GNAQ: variants seen among roughly 807,000 people sequenced by gnomAD.
The protein encoded by GNAQ is guanine nucleotide-binding protein G(q) subunit alpha.
GNAQ carries 8 observed loss-of-function variants against 43.9 expected under a neutral mutation model. That is an observed-to-expected ratio of 0.18 (90% confidence interval 0.11 to 0.33). GNAQ has a LOEUF of 0.33. GNAQ is among the 10% of genes least tolerant of loss of function. GNAQ has a pLI of 1.00. For missense variants in GNAQ, 158 were observed against 450.8 expected, an observed-to-expected ratio of 0.35 and a Z score of 5.88; for synonymous variants, 155 against 170.7, an observed-to-expected ratio of 0.91 and a Z score of 0.71.
intron 2 of GNAQ, among the ~76,000 whole-genome samples, chr9:77,825,957 C>T (rs1827189031): frequency 6.6e-6 from 1 of 151,936 alleles, no homozygotes; most frequent in Admixed American, 6.6e-5. Context: ...ATAAAGGGGT[C>T]AATATCTAAA....
intron 5 of GNAQ, among the ~76,000 whole-genome samples, chr9:77,776,445 T>C (rs1826307560): frequency 6.6e-6 from 1 of 152,044 alleles, no homozygotes; most frequent in African/African-American, 2.4e-5. Context: ...CAAAACAGAC[T>C]TCAGGGTAAA....
At chr9:77,870,926 T>C (rs530151846) in intron 2 of GNAQ, among the ~76,000 whole-genome samples, 28 of 152,294 alleles carry the variant, frequency 1.8e-4, no homozygotes, top group African/African-American at 6.5e-4. Context: ...AAAATGAATC[T>C]GTCATCACAG....
chr9:77,949,808 A>T (rs1822954193), intron 1 of GNAQ, among the ~76,000 whole-genome samples: 1 of 152,094 alleles, frequency 6.6e-6, no homozygotes, highest in South Asian at 2.1e-4. Context: ...CCGTATCTTT[A>T]TTCATATTCT....
intron 2 of GNAQ, among the ~76,000 whole-genome samples, chr9:77,920,210 G>A (rs1048523795): frequency 4.6e-5 from 7 of 151,888 alleles, no homozygotes; most frequent in Non-Finnish European, 7.4e-5. Flanking sequence ...ACATGAATAA[G>A]GCATAAATTC....
At chr9:77,933,567 C>T (rs1404978981) in intron 1 of GNAQ, among the ~76,000 whole-genome samples, 1 of 151,940 alleles carries the variant, frequency 6.6e-6, no homozygotes, top group East Asian at 1.9e-4. Context: ...ATCACTTGAG[C>T]CCAGGAGGCA....
chr9:77,950,632 CTCATT>C (rs1429230543), intron 1 of GNAQ, among the ~76,000 whole-genome samples: 4 of 152,224 alleles, frequency 2.6e-5, no homozygotes, highest in Admixed American at 6.5e-5. Flanking sequence ...AGCTTCACTT[CTCATT>C]TCATTTATTT....
Position 77,776,125 on chromosome 9 carries a change from C to G in GNAQ, c.735+18338G>C, listed in dbSNP as rs967977732. ...ATTTATTCAAGAAAAACAGCTGAATCTAGGTGACAATAGCTTGTTTTGTGC... is the reference window on the plus strand; with the variant it reads ...ATTTATTCAAGAAAAACAGCTGAATGTAGGTGACAATAGCTTGTTTTGTGC... On this transcript the variant is annotated intron_variant, in intron 5 of 6. Transcript: ENST00000286548. Among the ~76,000 whole-genome samples the G allele has an allele frequency of 2.0e-5, 3 of 152,166 alleles. No individual in the cohort carries two copies. The South Asian group carries it at 6.2e-4, about 32-fold the overall frequency.
In GNAQ at chr9:77,796,081, A is replaced by T. The variant is rs140217095; in HGVS notation, c.605+1439T>A. Reference sequence around the variant, plus strand: ...TCTAAATACCATAGACTTAAAACGTAAGTAATATAGAATGCTGGAGCTACA... The same window carrying T: ...TCTAAATACCATAGACTTAAAACGTTAGTAATATAGAATGCTGGAGCTACA... On this transcript the variant is annotated intron_variant, in intron 4 of 6. Transcript: ENST00000286548. Among the ~76,000 whole-genome samples, 113 of 152,328 alleles carry T rather than the reference A, an allele frequency of 7.4e-4. 1 individual carries two copies. The East Asian group carries it at 0.014, about 18-fold the overall frequency.
chr9:77,886,330 T>C (rs961948173), intron 2 of GNAQ, among the ~76,000 whole-genome samples: 1 of 67,228 alleles, frequency 1.5e-5, no homozygotes, highest in Non-Finnish European at 3.3e-5. Context: ...TCAGAAAATA[T>C]ATTTACACAT....
At chr9:77,811,920 AAG>A (rs962146074) in intron 3 of GNAQ, among the ~76,000 whole-genome samples, 3 of 152,158 alleles carry the variant, frequency 2.0e-5, no homozygotes, top group African/African-American at 7.2e-5. Context: ...CTTTGAAGTA[AAG>A]AGAGTATTCT....
At chr9:77,855,705 T>C (rs1447761524) in intron 2 of GNAQ, among the ~76,000 whole-genome samples, 4 of 152,102 alleles carry the variant, frequency 2.6e-5, no homozygotes, top group Non-Finnish European at 5.9e-5. Flanking sequence ...TGAGATTTAA[T>C]TTCCTAGTGA....
chr9:77,803,001 G>A (rs925540123), intron 3 of GNAQ, among the ~76,000 whole-genome samples: 1 of 151,832 alleles, frequency 6.6e-6, no homozygotes, highest in African/African-American at 2.4e-5. Flanking sequence ...CCTCACACTC[G>A]GTGGTCAGGG....
At chr9:77,840,547 G>C (rs1419846492) in intron 2 of GNAQ, among the ~76,000 whole-genome samples, 1 of 152,034 alleles carries the variant, frequency 6.6e-6, no homozygotes, top group Non-Finnish European at 1.5e-5. Flanking sequence ...ATGTTGGCCA[G>C]GCTGGTCTGG....
At chr9:77,836,892 T>A (rs1052508361) in intron 2 of GNAQ, among the ~76,000 whole-genome samples, 6 of 152,028 alleles carry the variant, frequency 3.9e-5, no homozygotes. Flanking sequence ...ACAGGTGGAG[T>A]AGAGATAGGA....
At chr9:77,724,881 T>C (rs1295875363) in intron 6 of GNAQ, among the ~76,000 whole-genome samples, 1 of 148,330 alleles carries the variant, frequency 6.7e-6, no homozygotes, top group Non-Finnish European at 1.5e-5. Context: ...CAAGCAAATA[T>C]ATATATAATT....
intron 2 of GNAQ, among the ~76,000 whole-genome samples, chr9:77,919,441 C>T (rs560641662): frequency 5.9e-5 from 9 of 152,120 alleles, no homozygotes; most frequent in Admixed American, 3.9e-4. Flanking sequence ...TGCTAAAGAA[C>T]AGTAGGATTA....
intron 1 of GNAQ, among the ~76,000 whole-genome samples, chr9:77,927,973 A>G (rs1351453917): frequency 6.6e-6 from 1 of 152,184 alleles, no homozygotes; most frequent in Non-Finnish European, 1.5e-5. Context: ...TTGAAACATG[A>G]AATCTCAGCA....
intron 3 of GNAQ, among the ~76,000 whole-genome samples, chr9:77,812,769 C>T (rs946222227): frequency 6.6e-6 from 1 of 151,936 alleles, no homozygotes; most frequent in Non-Finnish European, 1.5e-5. Flanking sequence ...AAAAAAGATA[C>T]ATATTGATGT....
At chr9:77,727,175 C>T (rs1355778420) in intron 6 of GNAQ, among the ~76,000 whole-genome samples, 2 of 150,740 alleles carry the variant, frequency 1.3e-5, no homozygotes, top group East Asian at 3.9e-4. Context: ...GTCTTGACCT[C>T]TTGCCAACTC....
Sources: gnomAD v4.1 joint callset for allele counts (sites outside exome capture counted in the v4.1 genomes callset) on GRCh38, gnomAD v4.1.1 for gene constraint, MANE v1.5 for transcripts, NCBI Gene and HGNC (gene_info 2026-07-23, HGNC 2026-07-21) for gene names.